ALK: variants seen among roughly 807,000 people sequenced by gnomAD.
ALK encodes ALK tyrosine kinase receptor.
A neutral mutation model predicts 163.1 loss-of-function variants in ALK; 74 were observed. The observed-to-expected ratio is 0.45, with a 90% CI of 0.38 to 0.55. The LOEUF (loss-of-function observed/expected upper bound fraction) is 0.55, where lower values mean the gene tolerates loss of function less well. Among genes scored for constraint, ALK ranks in the 20% least tolerant of loss-of-function variants. The pLI is 0.00. For synonymous variants in ALK, 960 were observed against 843.2 expected, an observed-to-expected ratio of 1.14 and a Z score of -2.40; for missense variants, 2,063 against 2,105.3, an observed-to-expected ratio of 0.98 and a Z score of 0.39.
intron 2 of ALK, among the ~76,000 whole-genome samples, chr2:29,699,222 G>T (rs533723310): frequency 6.6e-6 from 1 of 152,148 alleles, no homozygotes; most frequent in South Asian, 2.1e-4. Flanking sequence ...CCACCCAGGG[G>T]CAGGGGTGGG....
chr2:29,251,042 C>CA, intron 12 of ALK, 63 bp downstream of exon 12: 1 of 1,562,980 alleles, frequency 6.4e-7, no homozygotes, highest in Non-Finnish European at 8.7e-7. Flanking sequence ...CACCCATAGG[C>CA]AAGACTCCAG....
chr2:29,404,553 T>C (rs1669534862), intron 4 of ALK, among the ~76,000 whole-genome samples: 1 of 152,168 alleles, frequency 6.6e-6, no homozygotes, highest in Non-Finnish European at 1.5e-5. Flanking sequence ...CAAGGAATCT[T>C]TAGTGGTGAA....
chr2:29,769,543 C>T (rs2148343088), intron 1 of ALK, among the ~76,000 whole-genome samples: 1 of 152,220 alleles, frequency 6.6e-6, no homozygotes, highest in Admixed American at 6.5e-5. Flanking sequence ...AGCACCTAGC[C>T]CCAGGCCTGG....
At chr2:29,468,309 G>A (rs1388255281) in intron 4 of ALK, among the ~76,000 whole-genome samples, 1 of 152,156 alleles carries the variant, frequency 6.6e-6, no homozygotes, top group Non-Finnish European at 1.5e-5. Context: ...TTACAGGCGT[G>A]AGCCAATGCA....
chr2:29,252,399 T>C (rs1161632532), intron 11 of ALK, among the ~76,000 whole-genome samples: 1 of 152,160 alleles, frequency 6.6e-6, no homozygotes, highest in Non-Finnish European at 1.5e-5. Flanking sequence ...CTAAGGAAAA[T>C]GATGGAAACA....
chr2:29,561,448 G>C (rs564587829), intron 3 of ALK, among the ~76,000 whole-genome samples: 24 of 152,312 alleles, frequency 1.6e-4, no homozygotes, highest in Admixed American at 1.0e-3. Context: ...TGGGCGTGGA[G>C]GAAGCTGCTG....
chr2:29,621,067 G>A (rs1451548674), intron 3 of ALK, among the ~76,000 whole-genome samples: 7 of 152,166 alleles, frequency 4.6e-5, no homozygotes, highest in Admixed American at 1.3e-4. Flanking sequence ...TTGGAAATGA[G>A]GCTTTGGCTG....
intron 3 of ALK, among the ~76,000 whole-genome samples, chr2:29,638,714 A>T (rs1676616759): frequency 6.6e-6 from 1 of 152,050 alleles, no homozygotes; most frequent in Non-Finnish European, 1.5e-5. Context: ...CTGTTCTAAC[A>T]CCATCTGAAA....
At chr2:29,820,834 C>T (rs187128836) in intron 1 of ALK, among the ~76,000 whole-genome samples, 46 of 152,320 alleles carry the variant, frequency 3.0e-4, no homozygotes, top group African/African-American at 1.1e-3. Context: ...AAATGGGACT[C>T]AGAGAGCTGG....
At chr2:29,637,998 G>T (rs550801826) in intron 3 of ALK, among the ~76,000 whole-genome samples, 1 of 133,362 alleles carries the variant, frequency 7.5e-6, no homozygotes, top group African/African-American at 2.6e-5. Flanking sequence ...AAAAATCAAT[G>T]TATATGTCAA....
intron 1 of ALK, among the ~76,000 whole-genome samples, chr2:29,780,356 A>G (rs1313800174): frequency 6.6e-6 from 1 of 152,202 alleles, no homozygotes; most frequent in East Asian, 1.9e-4. Context: ...AAATTCACCC[A>G]AGTGAGCTCA....
chr2:29,574,359 A>G (rs1674464700), intron 3 of ALK, among the ~76,000 whole-genome samples: 1 of 152,256 alleles, frequency 6.6e-6, no homozygotes. Flanking sequence ...ACCGAAACGT[A>G]CATGAGGGGG....
chr2:29,770,399 A>G (rs1680987444), intron 1 of ALK, among the ~76,000 whole-genome samples: 1 of 152,232 alleles, frequency 6.6e-6, no homozygotes, highest in South Asian at 2.1e-4. Flanking sequence ...CCTACAGATG[A>G]CACGTCCCAA....
At chr2:29,528,007 C>A (rs1343968766) in intron 4 of ALK, among the ~76,000 whole-genome samples, 1 of 152,202 alleles carries the variant, frequency 6.6e-6, no homozygotes, top group Non-Finnish European at 1.5e-5. Context: ...ACCCTCTGGA[C>A]TGAGGCTTAT....
intron 1 of ALK, chr2:29,891,115 C>A (rs995610896): frequency 2.0e-5 from 3 of 152,204 alleles, no homozygotes; most frequent in Admixed American, 6.5e-5. Context: ...GGGGGGAAAC[C>A]TAATGGATGC....
intron 1 of ALK, among the ~76,000 whole-genome samples, chr2:29,764,531 C>T (rs984733952): frequency 6.6e-6 from 1 of 152,180 alleles, no homozygotes; most frequent in Non-Finnish European, 1.5e-5. Context: ...ATTCATCAAA[C>T]ATTCTTAGAG....
chr2:29,667,700 G>T (rs1188778026), intron 3 of ALK, among the ~76,000 whole-genome samples: 1 of 151,914 alleles, frequency 6.6e-6, no homozygotes, highest in Non-Finnish European at 1.5e-5. Context: ...CCTATATTTT[G>T]TTGAGGATTT....
At chr2:29,375,463 C>T (rs577126152) in intron 5 of ALK, among the ~76,000 whole-genome samples, 15 of 152,222 alleles carry the variant, frequency 9.9e-5, no homozygotes, top group South Asian at 2.1e-4. Flanking sequence ...GGACTACAGG[C>T]GCCCACCACC....
chr2:29,908,876 C>A (rs1667623759), intron 1 of ALK, among the ~76,000 whole-genome samples: 1 of 152,228 alleles, frequency 6.6e-6, no homozygotes, highest in Admixed American at 6.5e-5. Flanking sequence ...TGCCTTTTCT[C>A]CTCCAACTAG....
Sources: allele counts gnomAD v4.1 joint callset (sites outside exome capture counted in the v4.1 genomes callset), GRCh38; gene constraint gnomAD v4.1.1; transcripts MANE v1.5; gene names NCBI Gene and HGNC (gene_info 2026-07-23, HGNC 2026-07-21).